The following CGNL1 variants were observed in gnomAD, a reference collection of about 807,000 sequenced individuals.
The protein encoded by CGNL1 is cingulin-like protein 1.
CGNL1 carries 132 observed loss-of-function variants against 141.2 expected under a neutral mutation model. The ratio of observed to expected loss-of-function variants is 0.93; its 90% CI spans 0.81 to 1.08. The LOEUF (loss-of-function observed/expected upper bound fraction) is 1.08, where lower values mean the gene tolerates loss of function less well. Among genes scored for constraint, CGNL1 ranks in the 50% least tolerant of loss-of-function variants. CGNL1 has a pLI of 0.00. For synonymous variants in CGNL1, 690 were observed against 622.1 expected, an observed-to-expected ratio of 1.11 and a Z score of -1.63; for missense variants, 1,870 against 1,588.6, an observed-to-expected ratio of 1.18 and a Z score of -3.01.
At chr15:57,470,150 C>G (rs1229388741) in intron 8 of CGNL1, among the ~76,000 whole-genome samples, 1 of 151,776 alleles carries the variant, frequency 6.6e-6, no homozygotes, top group Non-Finnish European at 1.5e-5. Flanking sequence ...GAAAATATCT[C>G]TTTTCCACAG....
At chr15:57,493,115 A>G (rs566300241) in intron 8 of CGNL1, among the ~76,000 whole-genome samples, 2 of 152,290 alleles carry the variant, frequency 1.3e-5, no homozygotes, top group South Asian at 4.1e-4. Flanking sequence ...ACATTAGACC[A>G]ATATTAGTAC....
chr15:57,547,449 T>C lies in CGNL1; in HGVS notation c.3868T>C (p.Tyr1290His). 6.2e-7 allele frequency: 1 copy of C among 1,614,122 alleles called. No individual in the cohort carries two copies. The highest frequency in any genetic ancestry group is 1.1e-5 in the South Asian group (1 of 91,066). Residue 1290 changes from tyrosine (Y) to histidine (H), a missense_variant, in exon 19 of 19, where the codon TAC (tyrosine) becomes CAC (histidine). Coordinates refer to ENST00000281282, the MANE Select transcript of CGNL1 (RefSeq NM_032866.5). ...GGSLYEAPVS[Y>H]TFSKDSTVAS... is the part of the protein sequence containing the mutation. ...AAGCCTCTATGAGGCGCCTGTGAGC[T>C]ACACATTCTCCAAGGACAGCACCGT... is the stretch of plus-strand genomic sequence containing the variant.
At position 57,387,760 on chromosome 15, in the gene CGNL1, C is replaced by T. The variant is rs151316672; in HGVS notation, c.-16+11193C>T. On this transcript the variant is annotated intron_variant, in intron 1 of 18. Transcript: ENST00000281282. ...ATTCTTGGGAAGTGTTTACATTTGACGCCACTGCAGGCTTCTAAATGAGGA... is the reference window on the plus strand; with the variant it reads ...ATTCTTGGGAAGTGTTTACATTTGATGCCACTGCAGGCTTCTAAATGAGGA... Among the ~76,000 whole-genome samples, 724 of 152,314 alleles carry T rather than the reference C, an allele frequency of 4.8e-3. 6 individuals are homozygous for T. Among genetic ancestry groups the T allele is most frequent in the African/African-American group, 0.017 (691 of 41,560 alleles).
intron 1 of CGNL1, among the ~76,000 whole-genome samples, chr15:57,403,412 C>T (rs1409926808): frequency 6.6e-6 from 1 of 152,172 alleles, no homozygotes; most frequent in South Asian, 2.1e-4. Context: ...CAAAGAAACA[C>T]GAGGTTAAAA....
intron 16 of CGNL1, among the ~76,000 whole-genome samples, chr15:57,545,378 T>C (rs1409704840): frequency 1.3e-5 from 2 of 152,248 alleles, no homozygotes; most frequent in Non-Finnish European, 2.9e-5. Flanking sequence ...TTGCTGGCTC[T>C]GAAGCCTTGG....
At chr15:57,531,130 T>C (rs1486635258) in intron 13 of CGNL1, among the ~76,000 whole-genome samples, 1 of 152,240 alleles carries the variant, frequency 6.6e-6, no homozygotes, top group East Asian at 1.9e-4. Flanking sequence ...CCAATTATTA[T>C]TCTGAAGTGA....
chr15:57,398,252 C>A (rs1410571059), intron 1 of CGNL1: 1 of 151,960 alleles, frequency 6.6e-6, no homozygotes, highest in Non-Finnish European at 1.5e-5. Flanking sequence ...TTCTTTTTTC[C>A]CCTCTGCTTT....
rs1045864659 is a variant in CGNL1, at chr15:57,452,255, G to A, written c.2020G>A (p.Glu674Lys). ...ENSTLQQRLE[E>K]SEGELRKNLE... ...CTCCACATTGCAGCAACGACTGGAAGAAAGTGAAGGGGAGCTCCGGAAGAA... is the reference window on the plus strand; with the variant it reads ...CTCCACATTGCAGCAACGACTGGAAAAAAGTGAAGGGGAGCTCCGGAAGAA... The change falls in exon 6 of 19, where the codon GAA becomes AAA. Residue 674 changes from glutamate (E) to lysine (K), a missense_variant. Transcript: ENST00000281282. 6.2e-7 allele frequency: 1 copy of A among 1,613,924 alleles called. No individual in the cohort carries two copies. Among genetic ancestry groups the A allele is most frequent in the Non-Finnish European group, 8.5e-7 (1 of 1,179,906 alleles).
At chr15:57,463,481 A>C (rs1371102254) in intron 8 of CGNL1, among the ~76,000 whole-genome samples, 2 of 152,244 alleles carry the variant, frequency 1.3e-5, no homozygotes, top group African/African-American at 4.8e-5. Context: ...CAGGCGAAGT[A>C]GTCAAGACGT....
rs781111558 is a variant in CGNL1, at chr15:57,528,648, T to G, written c.3040-6T>G. ...AGAAAACCATCCCAGCTGTCTCTCC[T>G]CCTAGATGCGTCTGATGGAGGAAGA... On this transcript the variant is annotated splice_polypyrimidine_tract_variant and splice_region_variant and intron_variant, in intron 12 of 18. Coordinates refer to ENST00000281282, the MANE Select transcript of CGNL1 (RefSeq NM_032866.5). The G allele has an allele frequency of 2.0e-5, 32 of 1,613,742 alleles. No homozygotes were observed. The highest frequency in any genetic ancestry group is 2.3e-5 in the Non-Finnish European group (27 of 1,179,866).
At chr15:57,420,516 A>G (rs2062902317) in intron 1 of CGNL1, among the ~76,000 whole-genome samples, 1 of 152,164 alleles carries the variant, frequency 6.6e-6, no homozygotes, top group South Asian at 2.1e-4. Flanking sequence ...ACCACCTGGC[A>G]TCTATTTACT....
At chr15:57,509,521 G>T (rs1416763298) in intron 8 of CGNL1, among the ~76,000 whole-genome samples, 2 of 152,188 alleles carry the variant, frequency 1.3e-5, no homozygotes, top group Non-Finnish European at 2.9e-5. Flanking sequence ...TACAAGGAGC[G>T]CTCCTCAGCT....
intron 8 of CGNL1, among the ~76,000 whole-genome samples, chr15:57,504,821 A>G (rs1260978531): frequency 6.6e-6 from 1 of 152,204 alleles, no homozygotes; most frequent in Non-Finnish European, 1.5e-5. Context: ...AGCACATTGC[A>G]TGTGCCTGGA....
At position 57,438,656 on chromosome 15, in the gene CGNL1, C is replaced by T. The variant is rs1440918108; in HGVS notation, c.657C>T (p.Cys219=). 7 of 1,614,118 alleles carry T rather than the reference C, an allele frequency of 4.3e-6. No individual in the cohort carries two copies. The highest frequency in any genetic ancestry group is 5.9e-6 in the Non-Finnish European group (7 of 1,180,028). The change falls in exon 2 of 19, where the codon TGC becomes TGT. Residue 219 remains cysteine, a synonymous_variant. Transcript: ENST00000281282. Reference sequence around the variant, plus strand: ...CTGGTGTGACAGCTATTCGTTTATGCAGCTCCGTGGTCATAGAGGACCCCA... The same window carrying T: ...CTGGTGTGACAGCTATTCGTTTATGTAGCTCCGTGGTCATAGAGGACCCCA... ...AKSGVTAIRL[C]SSVVIEDPKK... is the part of the protein sequence containing the mutation.
At chr15:57,528,562 C>G in intron 12 of CGNL1, 92 bp from the exon 13 acceptor site, 2 of 1,306,648 alleles carry the variant, frequency 1.5e-6, no homozygotes, top group Non-Finnish European at 2.1e-6. Flanking sequence ...AGCTGATCTT[C>G]CTTTTGGTGG....
rs772212265 is a variant in CGNL1 at position 57,438,909 on chromosome 15, A to G, written c.910A>G (p.Thr304Ala). ...RRSSSSSTTP[T>A]SANSLYRFLL... ...GTCCTCCTCGTCATCCACAACTCCC[A>G]CGTCAGCCAACTCTTTGTACAGGTT... Residue 304 changes from threonine to alanine, a missense_variant, in exon 2 of 19, where the codon ACG (threonine) becomes GCG (alanine). Coordinates refer to ENST00000281282, the MANE Select transcript of CGNL1 (RefSeq NM_032866.5). 1.1e-5 allele frequency: 18 copies of G among 1,614,008 alleles called. No individual in the cohort carries two copies. The highest frequency in any genetic ancestry group is 1.4e-5 in the Non-Finnish European group (16 of 1,180,026).
intron 1 of CGNL1, among the ~76,000 whole-genome samples, chr15:57,410,299 C>G (rs528414539): frequency 6.6e-6 from 1 of 152,192 alleles, no homozygotes; most frequent in Admixed American, 6.5e-5. Context: ...AAATGTGAAC[C>G]TAGGCAAAGT....
At chr15:57,467,599 C>T (rs568516932) in intron 8 of CGNL1, among the ~76,000 whole-genome samples, 9 of 151,140 alleles carry the variant, frequency 6.0e-5, no homozygotes, top group African/African-American at 2.2e-4. Context: ...TCATTGGGAA[C>T]GTTTTAACAC....
In CGNL1 at chr15:57,438,624, G is replaced by T; in HGVS notation, c.625G>T (p.Ala209Ser). ...QPTSPSLEDPAKSGVTAIRLC... is the reference protein window; with the variant it reads ...QPTSPSLEDPSKSGVTAIRLC... ...TACCAGTCCCTCCTTGGAAGACCCG[G>T]CCAAATCTGGTGTGACAGCTATTCG... The change falls in exon 2 of 19, where the codon GCC becomes TCC. Residue 209 changes from alanine (A) to serine (S), a missense_variant. Physicochemically the swap from Ala to Ser is moderately conservative, Grantham distance 99. Coordinates refer to ENST00000281282, the MANE Select transcript of CGNL1 (RefSeq NM_032866.5). 1 of 1,613,906 alleles carries T rather than the reference G, an allele frequency of 6.2e-7. No individual in the cohort carries two copies. The highest frequency in any genetic ancestry group is 2.2e-5 in the East Asian group (1 of 44,882).
Sources: gnomAD v4.1 joint callset for allele counts (sites outside exome capture counted in the v4.1 genomes callset) on GRCh38, gnomAD v4.1.1 for gene constraint, MANE v1.5 for transcripts, NCBI Gene and HGNC (gene_info 2026-07-23, HGNC 2026-07-21) for gene names.